ANGPT1: variants seen among roughly 807,000 people sequenced by gnomAD.
ANGPT1 encodes the protein angiopoietin-1.
A neutral mutation model predicts 62.2 loss-of-function variants in ANGPT1; 17 were observed. The observed-to-expected ratio is 0.27, with a 90% confidence interval of 0.19 to 0.41. ANGPT1 has a LOEUF of 0.41. ANGPT1 is among the 10% of genes least tolerant of loss of function. The pLI is 1.00. For synonymous variants in ANGPT1, 199 were observed against 198.9 expected (o/e 1.00, Z 0.00); for missense variants, 478 against 594.9 (o/e 0.80, Z 2.04).
chr8:107,282,578 ATATATATATATATATATG>A (rs951350939), intron 7 of ANGPT1, among the ~76,000 whole-genome samples: 4 of 127,166 alleles, frequency 3.1e-5, no homozygotes, highest in African/African-American at 1.3e-4. Flanking sequence ...ATATATATAT[ATATATATATATATATATG>A]AGCCTCAGCT....
chr8:107,397,865 T>C (rs1816966134), intron 1 of ANGPT1, among the ~76,000 whole-genome samples: 2 of 152,188 alleles, frequency 1.3e-5, no homozygotes, highest in African/African-American at 4.8e-5. Flanking sequence ...CATTTCCTTC[T>C]GAGCAAAACC....
intron 4 of ANGPT1, among the ~76,000 whole-genome samples, chr8:107,306,303 T>C (rs544631250): frequency 2.6e-5 from 4 of 152,236 alleles, no homozygotes; most frequent in Admixed American, 1.3e-4. Flanking sequence ...CTGGTCAAAT[T>C]TGGCTAATTG....
chr8:107,285,589 T>C (rs1814119523), intron 6 of ANGPT1, among the ~76,000 whole-genome samples: 1 of 152,170 alleles, frequency 6.6e-6, no homozygotes, highest in Non-Finnish European at 1.5e-5. Context: ...AATGTCAACA[T>C]GACTTTATTG....
At chr8:107,261,048 G>A (rs1485336088) in intron 8 of ANGPT1, among the ~76,000 whole-genome samples, 3 of 152,026 alleles carry the variant, frequency 2.0e-5, no homozygotes, top group African/African-American at 7.2e-5. Context: ...TTTACTGTTG[G>A]TTTTTTCATG....
At chr8:107,381,944 A>G (rs1816645821) in intron 1 of ANGPT1, among the ~76,000 whole-genome samples, 1 of 152,170 alleles carries the variant, frequency 6.6e-6, no homozygotes, top group South Asian at 2.1e-4. Flanking sequence ...TGAGTGGTCA[A>G]GAACATTTTG....
chr8:107,484,744 A>G (rs1016798551), intron 1 of ANGPT1, among the ~76,000 whole-genome samples: 1 of 152,228 alleles, frequency 6.6e-6, no homozygotes, highest in Non-Finnish European at 1.5e-5. Context: ...CAGAACATCC[A>G]GTATCTATTG....
chr8:107,400,050 T>A (rs1233340141), intron 1 of ANGPT1, among the ~76,000 whole-genome samples: 1 of 152,188 alleles, frequency 6.6e-6, no homozygotes, highest in African/African-American at 2.4e-5. Flanking sequence ...TTTCTTAACA[T>A]GTAGGTATTT....
At chr8:107,345,379 A>G (rs1039588324) in intron 2 of ANGPT1, among the ~76,000 whole-genome samples, 1 of 152,174 alleles carries the variant, frequency 6.6e-6, no homozygotes, top group Non-Finnish European at 1.5e-5. Context: ...CATAGCACGC[A>G]TCTTAACAGT....
chr8:107,384,281 T>A (rs1293004406), intron 1 of ANGPT1, among the ~76,000 whole-genome samples: 1 of 152,116 alleles, frequency 6.6e-6, no homozygotes, highest in African/African-American at 2.4e-5. Flanking sequence ...ACTCTAAATA[T>A]ACATACAGGA....
chr8:107,348,217 C>T (rs867954032), intron 1 of ANGPT1, among the ~76,000 whole-genome samples: 16 of 152,228 alleles, frequency 1.1e-4, no homozygotes, highest in South Asian at 6.2e-4. Flanking sequence ...CTTCACAAGC[C>T]GGGTTCCAAA....
chr8:107,333,107 A>T (rs1352805574), intron 3 of ANGPT1, among the ~76,000 whole-genome samples: 5 of 152,218 alleles, frequency 3.3e-5, no homozygotes, highest in Non-Finnish European at 7.3e-5. Context: ...CAGAATAGGG[A>T]AAGTATGCTA....
chr8:107,452,197 G>A (rs115516447), intron 1 of ANGPT1, among the ~76,000 whole-genome samples: 178 of 151,136 alleles, frequency 1.2e-3, no homozygotes, highest in African/African-American at 4.0e-3. Flanking sequence ...TTCTACTACC[G>A]TCCATACAGA....
At chr8:107,254,055 G>T (rs528880298) in intron 8 of ANGPT1, among the ~76,000 whole-genome samples, 1 of 152,242 alleles carries the variant, frequency 6.6e-6, no homozygotes, top group Admixed American at 6.5e-5. Context: ...GCCATGGTTT[G>T]TATATTGGCC....
chr8:107,496,638 G>A (rs1158346793), intron 1 of ANGPT1, among the ~76,000 whole-genome samples: 1 of 152,066 alleles, frequency 6.6e-6, no homozygotes, highest in African/African-American at 2.4e-5. Context: ...ACATTACAAT[G>A]TATCTTTTTA....
intron 2 of ANGPT1, 70 bp from the exon 3 acceptor site, chr8:107,336,341 G>A: frequency 6.6e-7 from 1 of 1,515,010 alleles, no homozygotes; most frequent in Non-Finnish European, 8.8e-7. Flanking sequence ...GTTTTATTTT[G>A]TCGTTAAATA....
At chr8:107,261,866 T>G (rs1813500433) in intron 8 of ANGPT1, among the ~76,000 whole-genome samples, 1 of 151,586 alleles carries the variant, frequency 6.6e-6, no homozygotes, top group African/African-American at 2.4e-5. Context: ...ATAATAGTAA[T>G]AGAGGGGTTG....
intron 1 of ANGPT1, among the ~76,000 whole-genome samples, chr8:107,375,182 C>T (rs972541919): frequency 3.4e-5 from 5 of 145,370 alleles, no homozygotes; most frequent in Non-Finnish European, 7.6e-5. Flanking sequence ...AACAAACAAA[C>T]GAAAAAAACT....
intron 4 of ANGPT1, among the ~76,000 whole-genome samples, chr8:107,318,458 T>G (rs1296125519): frequency 1.3e-5 from 2 of 152,162 alleles, no homozygotes; most frequent in Admixed American, 6.5e-5. Context: ...GGAAAAAAAG[T>G]ACATGTCTAG....
chr8:107,264,837 C>T (rs989069408), intron 7 of ANGPT1, among the ~76,000 whole-genome samples: 1 of 152,032 alleles, frequency 6.6e-6, no homozygotes, highest in African/African-American at 2.4e-5. Context: ...ATCTGTGATC[C>T]AGACATTAAT....
Sources: allele counts gnomAD v4.1 joint callset (sites outside exome capture counted in the v4.1 genomes callset), GRCh38; gene constraint gnomAD v4.1.1; transcripts MANE v1.5; gene names NCBI Gene and HGNC (gene_info 2026-07-23, HGNC 2026-07-21).